CRACD: variants seen among roughly 807,000 people sequenced by gnomAD.
CRACD encodes the protein capping protein-inhibiting regulator of actin dynamics.
Under a neutral mutation model 106.8 loss-of-function variants are expected in CRACD, and 56 were observed. That is an observed-to-expected ratio of 0.52 (90% CI 0.42 to 0.66). The LOEUF is 0.66. Among genes scored for constraint, CRACD ranks in the 30% least tolerant of loss-of-function variants. The pLI is 0.00. For missense variants in CRACD, 1,730 were observed against 1,623.2 expected (o/e 1.07, Z -1.13); for synonymous variants, 754 against 670.8 (o/e 1.12, Z -1.92).
chr4:56,202,495 C>G (rs1737929331), intron 2 of CRACD, among the ~76,000 whole-genome samples: 1 of 152,198 alleles, frequency 6.6e-6, no homozygotes, highest in Non-Finnish European at 1.5e-5. Flanking sequence ...GATCTGCCCA[C>G]CTTGGCCTCC....
At chr4:56,236,738 T>TAA (rs1276062786) in intron 2 of CRACD, among the ~76,000 whole-genome samples, 7 of 132,342 alleles carry the variant, frequency 5.3e-5, no homozygotes, top group African/African-American at 1.1e-4. Context: ...TTTCAAAGAC[T>TAA]AAAAAAAAAA....
intron 2 of CRACD, among the ~76,000 whole-genome samples, chr4:56,248,723 C>A (rs1421888968): frequency 2.0e-3 from 237 of 115,996 alleles, no homozygotes; most frequent in African/African-American, 7.3e-3. Flanking sequence ...TATCCCTCCC[C>A]CCTCCCCCCA....
At chr4:56,157,608 G>T (rs1393852691) in intron 1 of CRACD, among the ~76,000 whole-genome samples, 1 of 152,176 alleles carries the variant, frequency 6.6e-6, no homozygotes, top group Non-Finnish European at 1.5e-5. Context: ...CCTTCATGGA[G>T]TCGGTCTTTT....
At chr4:56,218,228 C>T (rs562664362) in intron 2 of CRACD, among the ~76,000 whole-genome samples, 13 of 152,140 alleles carry the variant, frequency 8.5e-5, no homozygotes, top group Admixed American at 2.6e-4. Flanking sequence ...GTGGGGGACA[C>T]AATTTAATCC....
At chr4:56,135,667 G>A (rs1183320268) in intron 1 of CRACD, among the ~76,000 whole-genome samples, 2 of 152,190 alleles carry the variant, frequency 1.3e-5, no homozygotes, top group African/African-American at 4.8e-5. Context: ...TGTTGAGTGG[G>A]TTGTGAATGA....
chr4:56,149,572 A>T (rs1735513992), intron 1 of CRACD, among the ~76,000 whole-genome samples: 1 of 152,250 alleles, frequency 6.6e-6, no homozygotes, highest in South Asian at 2.1e-4. Flanking sequence ...AGCCAAACAA[A>T]ATGTAGAGAT....
intron 1 of CRACD, among the ~76,000 whole-genome samples, chr4:56,054,971 ACTGT>A (rs1732004967): frequency 6.6e-6 from 1 of 152,216 alleles, no homozygotes; most frequent in Non-Finnish European, 1.5e-5. Flanking sequence ...TGAAACTGGT[ACTGT>A]ATTCAATATG....
At position 56,316,553 on chromosome 4, in the gene CRACD, G is replaced by T. The variant is rs1165019084; in HGVS notation, c.3051G>T (p.Ser1017=). 2 of 1,613,058 alleles carry T rather than the reference G, an allele frequency of 1.2e-6. No homozygotes were observed. The highest frequency in any genetic ancestry group is 2.2e-5 in the South Asian group (2 of 90,954). The change falls in exon 8 of 11, where the codon TCG becomes TCT. Residue 1017 remains serine, a synonymous_variant. Transcript: ENST00000682029. The stretch of plus-strand genomic sequence containing the variant: ...AGAGCAGTGACCGCCGGCCACCCTC[G>T]CCCCCAGGCCCCGAGGAAAGGAAGG... ...DQESSDRRPP[S]PPGPEERKGQ...
Position 56,328,022 on chromosome 4 carries a change from C to T in CRACD, c.*218C>T, listed in dbSNP as rs998678249. ...GGTGCCTCGAGCTCCTCCTAGTTCT[C>T]AAGAGAAAATTCCGTCCACAGGACC... On this transcript the variant is annotated 3_prime_UTR_variant, in exon 11 of 11. Transcript: ENST00000682029. 9 of 465,288 alleles carry T rather than the reference C, an allele frequency of 1.9e-5. No individual in the cohort carries two copies. The highest frequency in any genetic ancestry group is 1.8e-4 in the African/African-American group (9 of 51,128). 28.8% of individuals were successfully genotyped at this position (465,288 alleles called of 1,614,324 possible).
chr4:56,202,364 G>A (rs573765784), intron 2 of CRACD, among the ~76,000 whole-genome samples: 2 of 151,952 alleles, frequency 1.3e-5, no homozygotes, highest in African/African-American at 2.4e-5. Flanking sequence ...CTCTTGCCTC[G>A]GCCTCCCAGG....
chr4:56,067,860 G>A (rs1331056206), intron 1 of CRACD, among the ~76,000 whole-genome samples: 2 of 152,230 alleles, frequency 1.3e-5, no homozygotes, highest in Admixed American at 6.5e-5. Flanking sequence ...ACTGGTGTGA[G>A]CCACCGCGCC....
At chr4:56,289,246 A>G (rs1743558612) in intron 3 of CRACD, among the ~76,000 whole-genome samples, 1 of 152,214 alleles carries the variant, frequency 6.6e-6, no homozygotes, top group South Asian at 2.1e-4. Flanking sequence ...CTGTGTACTT[A>G]AAAAATGTTA....
intron 1 of CRACD, among the ~76,000 whole-genome samples, chr4:56,163,497 C>A (rs59104632): frequency 6.6e-6 from 1 of 151,282 alleles, no homozygotes; most frequent in Non-Finnish European, 1.5e-5. Context: ...TATAGAGTCC[C>A]CTTATGTTAA....
chr4:56,295,549 T>C (rs1743958025), intron 3 of CRACD, among the ~76,000 whole-genome samples: 1 of 151,064 alleles, frequency 6.6e-6, no homozygotes, highest in Non-Finnish European at 1.5e-5. Flanking sequence ...TGTGGAAAAA[T>C]AAATCAGGGG....
intron 1 of CRACD, among the ~76,000 whole-genome samples, chr4:56,121,584 CAGTG>C (rs966578071): frequency 3.3e-5 from 5 of 151,914 alleles, no homozygotes; most frequent in African/African-American, 1.2e-4. Context: ...GTGGAGAGTG[CAGTG>C]AGCCACTACT....
chr4:56,327,162 G>C (rs180767650), intron 10 of CRACD, among the ~76,000 whole-genome samples: 1 of 152,300 alleles, frequency 6.6e-6, no homozygotes, highest in East Asian at 1.9e-4. Flanking sequence ...GAAATTCTTT[G>C]AAATTAGAAC....
At chr4:56,084,072 C>CATTATT (rs1733133522) in intron 1 of CRACD, among the ~76,000 whole-genome samples, 1 of 152,142 alleles carries the variant, frequency 6.6e-6, no homozygotes, top group African/African-American at 2.4e-5. Flanking sequence ...TAGATTAGTG[C>CATTATT]ATTATTAGAA....
At chr4:56,280,155 A>T (rs1323963586) in intron 3 of CRACD, among the ~76,000 whole-genome samples, 1 of 62,540 alleles carries the variant, frequency 1.6e-5, no homozygotes. Flanking sequence ...GGGTGGGGGG[A>T]GGGGGGAGGG....
chr4:56,234,066 A>T (rs991415863), intron 2 of CRACD, among the ~76,000 whole-genome samples: 3 of 151,836 alleles, frequency 2.0e-5, no homozygotes, highest in African/African-American at 7.3e-5. Context: ...GATCTAGTAG[A>T]CTCCATCATT....
Sources: allele counts gnomAD v4.1 joint callset (sites outside exome capture counted in the v4.1 genomes callset), GRCh38; gene constraint gnomAD v4.1.1; transcripts MANE v1.5; gene names NCBI Gene and HGNC (gene_info 2026-07-23, HGNC 2026-07-21).